Variants in TMEM117 observed in about 807,000 individuals in gnomAD.
TMEM117 encodes the protein transmembrane protein 117.
Under a neutral mutation model 52.4 loss-of-function variants are expected in TMEM117, and 27 were observed. That is an observed-to-expected ratio of 0.51 (90% CI 0.38 to 0.71). TMEM117 has a LOEUF of 0.71. Among genes scored for constraint, TMEM117 ranks in the 30% least tolerant of loss-of-function variants. The probability of loss-of-function intolerance (pLI) is 0.00; values close to 1 mark genes in which losing one functional copy is unlikely to be tolerated. For synonymous variants in TMEM117, 215 were observed against 206.3 expected, an observed-to-expected ratio of 1.04 and a Z score of -0.36; for missense variants, 556 against 630.5, an observed-to-expected ratio of 0.88 and a Z score of 1.26.
At chr12:44,273,374 A>G (rs961959431) in intron 5 of TMEM117, among the ~76,000 whole-genome samples, 1 of 134,198 alleles carries the variant, frequency 7.5e-6, no homozygotes, top group Non-Finnish European at 1.6e-5. Flanking sequence ...ATAAATATAC[A>G]TATATATATA....
intron 5 of TMEM117, among the ~76,000 whole-genome samples, chr12:44,251,315 G>A (rs1456270346): frequency 2.6e-5 from 4 of 152,156 alleles, no homozygotes; most frequent in East Asian, 1.9e-4. Flanking sequence ...TTAAAATGTG[G>A]TTACTGACAG....
At chr12:44,228,460 A>G (rs1185377609) in intron 5 of TMEM117, among the ~76,000 whole-genome samples, 1 of 152,172 alleles carries the variant, frequency 6.6e-6, no homozygotes, top group Admixed American at 6.6e-5. Flanking sequence ...ACCTTCTGTC[A>G]GGACCTGCAG....
intron 3 of TMEM117, among the ~76,000 whole-genome samples, chr12:43,960,371 CTT>C (rs1945382160): frequency 6.6e-6 from 1 of 152,038 alleles, no homozygotes; most frequent in African/African-American, 2.4e-5. Flanking sequence ...TGAGACTAGA[CTT>C]ATTTAGCTAG....
intron 6 of TMEM117, among the ~76,000 whole-genome samples, chr12:44,302,416 G>A (rs1389103568): frequency 6.6e-6 from 1 of 152,138 alleles, no homozygotes; most frequent in African/African-American, 2.4e-5. Context: ...TTATTCCCCA[G>A]TGTCAGGAGT....
intron 6 of TMEM117, among the ~76,000 whole-genome samples, chr12:44,357,147 C>A (rs1671154740): frequency 6.6e-6 from 1 of 152,126 alleles, no homozygotes; most frequent in African/African-American, 2.4e-5. Context: ...TCTTAGTCAT[C>A]TTTTCAACAG....
At chr12:43,986,849 A>G (rs1436688297) in intron 3 of TMEM117, among the ~76,000 whole-genome samples, 2 of 152,248 alleles carry the variant, frequency 1.3e-5, no homozygotes, top group Non-Finnish European at 2.9e-5. Flanking sequence ...CAGAACTCCA[A>G]ACTGAACTTC....
intron 3 of TMEM117, among the ~76,000 whole-genome samples, chr12:44,071,054 C>T (rs921362877): frequency 6.6e-6 from 1 of 152,150 alleles, no homozygotes; most frequent in Non-Finnish European, 1.5e-5. Flanking sequence ...ACCAGAAGAG[C>T]TCTGTCTGTA....
intron 6 of TMEM117, among the ~76,000 whole-genome samples, chr12:44,325,520 C>G (rs1592694627): frequency 7.1e-6 from 1 of 141,404 alleles, no homozygotes. Context: ...TTATTTATAG[C>G]TATTTATATT....
At chr12:44,122,339 C>T (rs1004616046) in intron 3 of TMEM117, among the ~76,000 whole-genome samples, 1 of 152,128 alleles carries the variant, frequency 6.6e-6, no homozygotes, top group Non-Finnish European at 1.5e-5. Flanking sequence ...CCACCATGCC[C>T]AGCCTCTTTT....
At chr12:44,354,516 AC>A (rs1951616205) in intron 6 of TMEM117, among the ~76,000 whole-genome samples, 1 of 152,132 alleles carries the variant, frequency 6.6e-6, no homozygotes, top group Admixed American at 6.6e-5. Context: ...GGTTCAACAT[AC>A]AAAAATCAGT....
At position 43,937,680 on chromosome 12, in the gene TMEM117, T is replaced by C. The variant is rs572611756; in HGVS notation, c.278-6530T>C. On this transcript the variant is annotated intron_variant, in intron 2 of 7. Transcript: ENST00000266534. ...GGGCAACTATAATAGGACCTAGATG[T>C]AGAAAGATAGGATTCCATACAGTGG... Among the ~76,000 whole-genome samples the C allele has an allele frequency of 3.3e-5, 5 of 152,300 alleles. No individual in the cohort carries two copies. In the East Asian group the frequency reaches 7.7e-4, roughly 23 times the overall value.
chr12:44,253,475 C>G (rs904247785), intron 5 of TMEM117, among the ~76,000 whole-genome samples: 1 of 152,026 alleles, frequency 6.6e-6, no homozygotes. Context: ...AGAAAAGACC[C>G]GATATGAGCC....
At chr12:44,283,734 T>C (rs1950604709) in intron 5 of TMEM117, among the ~76,000 whole-genome samples, 1 of 152,104 alleles carries the variant, frequency 6.6e-6, no homozygotes, top group Admixed American at 6.5e-5. Context: ...GGGAGACTGT[T>C]GGGAAGGCGT....
At chr12:43,847,025 G>A (rs1428698792) in intron 2 of TMEM117, among the ~76,000 whole-genome samples, 1 of 152,152 alleles carries the variant, frequency 6.6e-6, no homozygotes, top group Non-Finnish European at 1.5e-5. Context: ...CATTTGGTGA[G>A]AAACTAGAAG....
intron 3 of TMEM117, among the ~76,000 whole-genome samples, chr12:44,096,808 G>A (rs1947772515): frequency 1.3e-5 from 2 of 152,028 alleles, no homozygotes; most frequent in Admixed American, 6.6e-5. Flanking sequence ...GCATGGGCAA[G>A]GACTTCATGT....
chr12:44,291,067 G>A (rs1276253105), intron 5 of TMEM117, among the ~76,000 whole-genome samples: 1 of 152,158 alleles, frequency 6.6e-6, no homozygotes, highest in African/African-American at 2.4e-5. Flanking sequence ...CATTGAATCT[G>A]TAGATTTATT....
chr12:44,286,309 T>G (rs1446325515), intron 5 of TMEM117, among the ~76,000 whole-genome samples: 1 of 150,526 alleles, frequency 6.6e-6, no homozygotes, highest in African/African-American at 2.4e-5. Flanking sequence ...AAAACAGTTT[T>G]ATATATATAA....
chr12:44,159,195 TG>T (rs1434777962), intron 4 of TMEM117, among the ~76,000 whole-genome samples: 2 of 152,190 alleles, frequency 1.3e-5, no homozygotes, highest in African/African-American at 4.8e-5. Context: ...GTTGCAGCCA[TG>T]GGAAGTGGAA....
intron 3 of TMEM117, among the ~76,000 whole-genome samples, chr12:44,029,396 C>A (rs1022649054): frequency 1.3e-5 from 2 of 152,166 alleles, no homozygotes; most frequent in Admixed American, 1.3e-4. Flanking sequence ...CATGTACAGG[C>A]ATGTACAGGA....
Sources: allele counts gnomAD v4.1 joint callset (sites outside exome capture counted in the v4.1 genomes callset), GRCh38; gene constraint gnomAD v4.1.1; transcripts MANE v1.5; gene names NCBI Gene and HGNC (gene_info 2026-07-23, HGNC 2026-07-21).